The following SPATA9 variants were observed in gnomAD, a reference collection of about 807,000 sequenced individuals.
SPATA9 encodes the protein spermatogenesis associated 9, also known as spermatogenesis-associated protein 9.
SPATA9 carries 27 observed loss-of-function variants against 25.5 expected under a neutral mutation model. The observed-to-expected ratio is 1.06, with a 90% CI of 0.78 to 1.46. The LOEUF is 1.46. Among genes scored for constraint, SPATA9 ranks in the 40% most tolerant of loss-of-function variants. The pLI is 0.00. For missense variants in SPATA9, 282 were observed against 297.5 expected, an observed-to-expected ratio of 0.95 and a Z score of 0.38; for synonymous variants, 102 against 105.7, an observed-to-expected ratio of 0.97 and a Z score of 0.21.
Position 95,663,950 on chromosome 5 carries a change from TACCAAATAAATTAGTGCTGC to T in SPATA9, c.457_474+2del. The T allele has an allele frequency of 6.6e-7, 1 of 1,504,072 alleles. No individual in the cohort carries two copies. The allele number at this position is 1,504,072 out of a possible 1,614,324, so 93.2% of individuals were successfully genotyped here. A position where few individuals can be genotyped will look rare whatever the true frequency, so the allele number is the denominator to read the frequency against. Reference sequence around the variant, plus strand: ...CTAGATTCTAATAATTTTCTTAACTTACCAAATAAATTAGTGCTGCATATGAAGCATATATTATGCTAGTT... The same window carrying T: ...CTAGATTCTAATAATTTTCTTAACTTATATGAAGCATATATTATGCTAGTT... On this transcript the variant is annotated splice_donor_variant and coding_sequence_variant, in exon 4 of 5. Transcript: ENST00000274432. LOFTEE classifies it high-confidence loss of function.
chr5:95,682,928 T>A lies in SPATA9; in HGVS notation c.-74A>T. The A allele has an allele frequency of 7.1e-7, 1 of 1,417,672 alleles. No individual in the cohort carries two copies. The highest frequency in any genetic ancestry group is 2.0e-5 in the South Asian group (1 of 49,120). The allele number at this position is 1,417,672 out of a possible 1,614,324, so 87.8% of individuals were successfully genotyped here. On this transcript the variant is annotated 5_prime_UTR_variant, in exon 1 of 5. Coordinates refer to ENST00000274432, the MANE Select transcript of SPATA9 (RefSeq NM_031952.4). ...GGTAATGCTTGTCCTAGTCTGCCAT[T>A]AGTGAAAGATGAGGGTAGCCTTCCA...
intron 3 of SPATA9, among the ~76,000 whole-genome samples, chr5:95,673,013 A>T (rs1752552117): frequency 6.6e-6 from 1 of 152,228 alleles, no homozygotes; most frequent in African/African-American, 2.4e-5. Flanking sequence ...TGAACATGTC[A>T]TAGGCCATTA....
At chr5:95,729,980 T>C in the SPATA9 span, among the ~76,000 whole-genome samples, 1 of 152,172 alleles carries the variant, frequency 6.6e-6, no homozygotes, top group Non-Finnish European at 1.5e-5. Flanking sequence ...ATATTTTCTA[T>C]TAACCCAAGA....
the SPATA9 span, among the ~76,000 whole-genome samples, chr5:95,705,419 A>G: frequency 2.6e-5 from 4 of 152,344 alleles, no homozygotes; most frequent in Admixed American, 6.5e-5. Flanking sequence ...GAAATTCAAT[A>G]ATTCCATGTT....
At chr5:95,653,356 A>G (rs1750478468), downstream of SPATA9, 4 of 1,194,026 alleles carry the variant, frequency 3.4e-6, no homozygotes, top group Non-Finnish European at 2.3e-6. Flanking sequence ...TATTCAGACA[A>G]TCAAAGAATC....
chr5:95,670,814 T>G (rs1752303948), intron 3 of SPATA9: 1 of 983,540 alleles, frequency 1.0e-6, no homozygotes, highest in African/African-American at 1.7e-5. Flanking sequence ...CCACATCTCA[T>G]ACATTCCGGT....
upstream of SPATA9, among the ~76,000 whole-genome samples, chr5:95,702,810 G>C (rs972049763): frequency 3.9e-5 from 6 of 152,196 alleles, no homozygotes; most frequent in Non-Finnish European, 7.3e-5. Context: ...GAGCCCATGA[G>C]TTTGAAGCTG....
the SPATA9 span, among the ~76,000 whole-genome samples, chr5:95,714,753 AT>A: frequency 6.7e-6 from 1 of 149,776 alleles, no homozygotes; most frequent in Non-Finnish European, 1.5e-5. Context: ...AAAAAAAAAA[AT>A]CACTGTATTT....
upstream of SPATA9, chr5:95,684,906 G>A (rs1435996066): frequency 6.6e-6 from 1 of 152,158 alleles, no homozygotes; most frequent in Non-Finnish European, 1.5e-5. Flanking sequence ...TATGACAGCT[G>A]TACAGATTTA....
chr5:95,653,353 ACAAT>A, downstream of SPATA9: 1 of 1,211,050 alleles, frequency 8.3e-7, no homozygotes, highest in Non-Finnish European at 1.1e-6. Flanking sequence ...GACTATTCAG[ACAAT>A]CAAAGAATCC....
upstream of SPATA9, among the ~76,000 whole-genome samples, chr5:95,700,673 C>T (rs1754159421): frequency 1.3e-5 from 2 of 152,102 alleles, no homozygotes; most frequent in African/African-American, 4.8e-5. Flanking sequence ...GCGATCTGCC[C>T]ACCTCGGCCT....
the SPATA9 span, among the ~76,000 whole-genome samples, chr5:95,728,812 G>C: frequency 6.6e-6 from 1 of 152,176 alleles, no homozygotes; most frequent in African/African-American, 2.4e-5. Flanking sequence ...CAAAGACCTT[G>C]CTGATAAAAC....
At chr5:95,661,179 C>T (rs1023768324) in intron 4 of SPATA9, among the ~76,000 whole-genome samples, 1 of 152,056 alleles carries the variant, frequency 6.6e-6, no homozygotes, top group African/African-American at 2.4e-5. Flanking sequence ...CTCACAACAT[C>T]CTGAGTCTAT....
At chr5:95,730,296 A>C in the SPATA9 span, among the ~76,000 whole-genome samples, 1 of 152,222 alleles carries the variant, frequency 6.6e-6, no homozygotes, top group Non-Finnish European at 1.5e-5. Context: ...CAGAAGGGAA[A>C]AATAAACAGA....
chr5:95,730,691 T>G, the SPATA9 span, among the ~76,000 whole-genome samples: 1 of 152,230 alleles, frequency 6.6e-6, no homozygotes, highest in African/African-American at 2.4e-5. Flanking sequence ...TCCCAGCATT[T>G]AAAATCCTGA....
the SPATA9 span, chr5:95,731,688 C>G: frequency 1.2e-6 from 2 of 1,613,410 alleles, no homozygotes; most frequent in South Asian, 1.1e-5. Context: ...AGATCATGTA[C>G]GTACGCGCCG....
At chr5:95,706,235 C>G in the SPATA9 span, among the ~76,000 whole-genome samples, 1 of 151,784 alleles carries the variant, frequency 6.6e-6, no homozygotes, top group Non-Finnish European at 1.5e-5. Flanking sequence ...GTGTCCCCAC[C>G]CAAATCTCAT....
At chr5:95,659,195 T>A (rs1751023187) in intron 4 of SPATA9, 1 of 286,138 alleles carries the variant, frequency 3.5e-6, no homozygotes, top group Non-Finnish European at 6.4e-6. Context: ...ACATCTTTAT[T>A]CTCTTGATGT....
intron 2 of SPATA9, among the ~76,000 whole-genome samples, chr5:95,675,857 T>C (rs1405065993): frequency 6.6e-6 from 1 of 150,728 alleles, no homozygotes; most frequent in East Asian, 2.0e-4. Flanking sequence ...ATTTCATTCT[T>C]GTGGCCCAGG....
Sources: gnomAD v4.1 joint callset for allele counts (sites outside exome capture counted in the v4.1 genomes callset) on GRCh38, gnomAD v4.1.1 for gene constraint, MANE v1.5 for transcripts, NCBI Gene and HGNC (gene_info 2026-07-23, HGNC 2026-07-21) for gene names.